The following USP28 variants were observed in gnomAD, a reference collection of about 807,000 sequenced individuals.
USP28 encodes the protein ubiquitin carboxyl-terminal hydrolase 28.
Under a neutral mutation model 145.0 loss-of-function variants are expected in USP28, and 113 were observed. The ratio of observed to expected loss-of-function variants is 0.78; its 90% CI spans 0.67 to 0.91. USP28 has a LOEUF of 0.91. USP28 is among the 40% of genes least tolerant of loss of function. The pLI, the probability that USP28 is intolerant of heterozygous loss-of-function variation, is 0.00. For missense variants in USP28, 1,201 were observed against 1,289.6 expected (o/e 0.93, Z 1.05); for synonymous variants, 447 against 450.9 (o/e 0.99, Z 0.11).
At chr11:113,799,802 A>G (rs754008100) in intron 24 of USP28, among the ~76,000 whole-genome samples, 6 of 152,184 alleles carry the variant, frequency 3.9e-5, no homozygotes, top group African/African-American at 4.8e-5. Context: ...TGGGCCACAC[A>G]TGAACCTCAC....
intron 1 of USP28, among the ~76,000 whole-genome samples, chr11:113,862,588 T>C (rs1325121318): frequency 6.6e-6 from 1 of 152,072 alleles, no homozygotes; most frequent in East Asian, 1.9e-4. Flanking sequence ...GGCTACTGAG[T>C]AAACGAACTG....
chr11:113,874,139 T>TG (rs1949111404), intron 1 of USP28, among the ~76,000 whole-genome samples: 1 of 88,036 alleles, frequency 1.1e-5, no homozygotes, highest in Non-Finnish European at 2.2e-5. Flanking sequence ...AGACTCCGTC[T>TG]GGAAAAAAAA....
At chr11:113,821,236 G>T in intron 12 of USP28, 1 of 223,860 alleles carries the variant, frequency 4.5e-6, no homozygotes, top group South Asian at 8.2e-5. Context: ...CACCTGGTCT[G>T]GCAGTCCACA....
chr11:113,844,439 G>A (rs972927822), intron 3 of USP28, among the ~76,000 whole-genome samples: 12 of 150,172 alleles, frequency 8.0e-5, no homozygotes, highest in African/African-American at 1.2e-4. Flanking sequence ...GTGAGACTCC[G>A]TCTTAAAAAA....
chr11:113,836,141 C>T (rs1337690973), intron 5 of USP28, among the ~76,000 whole-genome samples: 1 of 152,146 alleles, frequency 6.6e-6, no homozygotes, highest in Non-Finnish European at 1.5e-5. Flanking sequence ...CTATTCACAT[C>T]TCCCAATTTA....
At chr11:113,825,724 G>T (rs1943209550) in intron 11 of USP28, among the ~76,000 whole-genome samples, 1 of 152,158 alleles carries the variant, frequency 6.6e-6, no homozygotes, top group Non-Finnish European at 1.5e-5. Flanking sequence ...CTAAAGAAAG[G>T]ACACAACCAG....
chr11:113,819,795 C>T (rs894558583), intron 12 of USP28, among the ~76,000 whole-genome samples: 1 of 152,156 alleles, frequency 6.6e-6, no homozygotes, highest in Non-Finnish European at 1.5e-5. Flanking sequence ...TCTTGGCTCA[C>T]TGCAACCTCC....
Position 113,834,153 on chromosome 11 carries a change from A to G in USP28, c.621+96T>C, listed in dbSNP as rs528691737. ...AAAACAAATAATTAGCACAAGCCAAAGAGTATCACGGATATCAGCTTTAGG... is the reference window on the plus strand; with the variant it reads ...AAAACAAATAATTAGCACAAGCCAAGGAGTATCACGGATATCAGCTTTAGG... On this transcript the variant is annotated intron_variant, in intron 6 of 24. Coordinates refer to ENST00000003302, the Ensembl canonical transcript of USP28. 4.8e-6 allele frequency: 4 copies of G among 841,816 alleles called. No individual in the cohort carries two copies. The African/African-American group carries it at 7.0e-5, about 15-fold the overall frequency. 52.1% of individuals were successfully genotyped at this position (841,816 alleles called of 1,614,324 possible).
chr11:113,835,256 C>A (rs1179679003), intron 5 of USP28: 1 of 455,854 alleles, frequency 2.2e-6, no homozygotes, highest in Non-Finnish European at 4.4e-6. Flanking sequence ...GAATATACAA[C>A]TCCTCATCCC....
intron 1 of USP28, among the ~76,000 whole-genome samples, chr11:113,857,418 C>T (rs1408996896): frequency 1.3e-5 from 2 of 152,186 alleles, no homozygotes; most frequent in Admixed American, 6.5e-5. Context: ...ATTCTGCTTC[C>T]ATGCCTTTCT....
chr11:113,825,002 AAT>A (rs1415822900), intron 11 of USP28, among the ~76,000 whole-genome samples: 1 of 152,154 alleles, frequency 6.6e-6, no homozygotes, highest in Non-Finnish European at 1.5e-5. Context: ...AACCAATCAA[AAT>A]CCCAATAGCC....
At position 113,854,117 on chromosome 11, in the gene USP28, C is replaced by T. The variant is rs879230185; in HGVS notation, c.135+141G>A. ...CCCCTTATAATTTACATGTTGAAGACATTGGGTCAGTCATTTGACCTGTAG... is the reference window on the plus strand; with the variant it reads ...CCCCTTATAATTTACATGTTGAAGATATTGGGTCAGTCATTTGACCTGTAG... On this transcript the variant is annotated intron_variant, in intron 2 of 24. Coordinates refer to ENST00000003302, the Ensembl canonical transcript of USP28. The T allele has an allele frequency of 4.3e-6, 3 of 705,646 alleles. No homozygotes were observed. The South Asian group carries it at 6.1e-5, about 14-fold the overall frequency. The allele number at this position is 705,646 out of a possible 1,614,324, so 43.7% of individuals were successfully genotyped here. A position where few individuals can be genotyped will look rare whatever the true frequency, so the allele number is the denominator to read the frequency against.
intron 3 of USP28, among the ~76,000 whole-genome samples, chr11:113,847,234 T>C (rs778207128): frequency 1.3e-5 from 2 of 152,118 alleles, no homozygotes; most frequent in Non-Finnish European, 2.9e-5. Flanking sequence ...CCAGACATTA[T>C]ATGCTTCTCA....
chr11:113,870,307 G>A (rs1260429419), intron 1 of USP28, among the ~76,000 whole-genome samples: 1 of 152,178 alleles, frequency 6.6e-6, no homozygotes, highest in Non-Finnish European at 1.5e-5. Context: ...CAGGAGGACT[G>A]CTTGAGCCCA....
intron 12 of USP28, chr11:113,821,017 G>T: frequency 5.0e-6 from 1 of 200,610 alleles, no homozygotes; most frequent in Non-Finnish European, 1.1e-5. Flanking sequence ...AAGACATGGT[G>T]ACGTTCACTG....
intron 18 of USP28, 60 bp from the exon 20 acceptor site, chr11:113,806,644 C>CTAA: frequency 3.2e-6 from 4 of 1,264,668 alleles, no homozygotes; most frequent in Non-Finnish European, 4.4e-6. Context: ...CAGCAGAAGA[C>CTAA]TGTATGAAAG....
chr11:113,819,259 T>A (rs2135587813), intron 12 of USP28, among the ~76,000 whole-genome samples: 1 of 151,988 alleles, frequency 6.6e-6, no homozygotes, highest in African/African-American at 2.4e-5. Context: ...ACTACAGGTG[T>A]GCGATGCCAC....
At chr11:113,846,902 G>A (rs1243335400) in intron 3 of USP28, among the ~76,000 whole-genome samples, 1 of 152,180 alleles carries the variant, frequency 6.6e-6, no homozygotes, top group Non-Finnish European at 1.5e-5. Context: ...GGCTGAGGCA[G>A]GAGAATAGCT....
intron 1 of USP28, among the ~76,000 whole-genome samples, chr11:113,865,087 C>G (rs565608197): frequency 6.6e-6 from 1 of 152,172 alleles, no homozygotes; most frequent in African/African-American, 2.4e-5. Context: ...CAATCCCCCC[C>G]GTCTCGGCCT....
Sources: allele counts gnomAD v4.1 joint callset (sites outside exome capture counted in the v4.1 genomes callset), GRCh38; gene constraint gnomAD v4.1.1; transcripts MANE v1.5; gene names NCBI Gene and HGNC (gene_info 2026-07-23, HGNC 2026-07-21).